The following TSHZ3 variants were observed in gnomAD, a reference collection of about 807,000 sequenced individuals.
TSHZ3 encodes the protein teashirt zinc finger homeobox 3, also known as teashirt homolog 3.
Under a neutral mutation model 64.5 loss-of-function variants are expected in TSHZ3, and 10 were observed. The observed-to-expected ratio is 0.16, with a 90% CI of 0.10 to 0.26. TSHZ3 has a LOEUF of 0.26. TSHZ3 is among the 10% of genes least tolerant of loss of function. TSHZ3 has a pLI of 1.00. For synonymous variants in TSHZ3, 608 were observed against 593.1 expected (o/e 1.03, Z -0.36); for missense variants, 1,242 against 1,421.7 (o/e 0.87, Z 2.03).
intron 1 of TSHZ3, among the ~76,000 whole-genome samples, chr19:31,255,698 G>A (rs796280516): frequency 1.3e-5 from 2 of 152,224 alleles, no homozygotes; most frequent in Non-Finnish European, 2.9e-5. Flanking sequence ...CCCTAAGACA[G>A]GCAGAGCAGC....
chr19:31,170,662 G>C (rs1425654994), intron 5 of TSHZ3, among the ~76,000 whole-genome samples: 1 of 152,168 alleles, frequency 6.6e-6, no homozygotes, highest in Non-Finnish European at 1.5e-5. Flanking sequence ...TTTATGAATA[G>C]GAAATTAAAA....
chr19:31,239,159 A>G (rs1975658489), intron 3 of TSHZ3, among the ~76,000 whole-genome samples: 1 of 152,098 alleles, frequency 6.6e-6, no homozygotes, highest in Non-Finnish European at 1.5e-5. Flanking sequence ...TTTACAATAA[A>G]TATTTTTCCC....
chr19:31,244,728 C>T lies in TSHZ3; in HGVS notation n.64-1853G>A, dbSNP rs183583542. 2.4e-4 allele frequency among the ~76,000 whole-genome samples: 37 copies of T among 152,230 alleles called. No homozygotes were observed. The South Asian group carries it at 6.6e-3, about 27-fold the overall frequency. On this transcript the variant is annotated intron_variant and non_coding_transcript_variant, in intron 1 of 6. Coordinates refer to the TSHZ3 transcript ENST00000651361. Reference sequence around the variant, plus strand: ...GCATGATCTCAGCTCATTGCTGCCTCGACATCCCGGGTTCAAGTGATGCTC... The same window carrying T: ...GCATGATCTCAGCTCATTGCTGCCTTGACATCCCGGGTTCAAGTGATGCTC...
intron 4 of TSHZ3, among the ~76,000 whole-genome samples, chr19:31,224,291 C>T (rs994224913): frequency 9.2e-5 from 14 of 152,126 alleles, no homozygotes; most frequent in Admixed American, 2.0e-4. Flanking sequence ...GAGTAGAGAG[C>T]GGGAGTTATA....
intron 3 of TSHZ3, among the ~76,000 whole-genome samples, chr19:31,233,963 T>A (rs1326484395): frequency 1.3e-5 from 2 of 151,094 alleles, no homozygotes; most frequent in Non-Finnish European, 2.9e-5. Flanking sequence ...CCTGCTGAGA[T>A]TTTGTTTGGA....
At chr19:31,302,560 T>C (rs1170448996) in intron 1 of TSHZ3, among the ~76,000 whole-genome samples, 2 of 149,296 alleles carry the variant, frequency 1.3e-5, no homozygotes, top group African/African-American at 4.8e-5. Flanking sequence ...TTCTAAAATC[T>C]GTCTCTTGCC....
At chr19:31,246,693 G>A (rs1360229770) in intron 1 of TSHZ3, among the ~76,000 whole-genome samples, 1 of 152,140 alleles carries the variant, frequency 6.6e-6, no homozygotes, top group African/African-American at 2.4e-5. Flanking sequence ...TACGCACAGA[G>A]GACCTGGAAG....
intron 1 of TSHZ3, chr19:31,308,599 T>C: frequency 5.0e-6 from 2 of 398,534 alleles, no homozygotes; most frequent in African/African-American, 2.1e-5. Context: ...GTTTGCTTCC[T>C]TCCCAGGTGT....
intron 1 of TSHZ3, among the ~76,000 whole-genome samples, chr19:31,316,908 T>C (rs1916618203): frequency 6.6e-6 from 1 of 152,166 alleles, no homozygotes; most frequent in Non-Finnish European, 1.5e-5. Flanking sequence ...GAGTCACATA[T>C]GCTCCGGCCA....
intron 1 of TSHZ3, among the ~76,000 whole-genome samples, chr19:31,243,163 A>G (rs532023863): frequency 5.3e-5 from 8 of 152,336 alleles, no homozygotes; most frequent in Non-Finnish European, 7.3e-5. Context: ...AGATGCACAT[A>G]TATCTGTAGC....
intron 3 of TSHZ3, among the ~76,000 whole-genome samples, chr19:31,232,553 G>T (rs1402381986): frequency 6.6e-6 from 1 of 152,172 alleles, no homozygotes; most frequent in African/African-American, 2.4e-5. Context: ...TCAACATTGT[G>T]CAGGTTTAGT....
At chr19:31,318,473 T>C (rs1157432410) in intron 1 of TSHZ3, among the ~76,000 whole-genome samples, 1 of 152,256 alleles carries the variant, frequency 6.6e-6, no homozygotes, top group African/African-American at 2.4e-5. Flanking sequence ...TAGGAACTTT[T>C]TTGTATAATT....
intron 4 of TSHZ3, among the ~76,000 whole-genome samples, chr19:31,227,997 C>A (rs1029137781): frequency 3.3e-5 from 5 of 152,184 alleles, no homozygotes; most frequent in African/African-American, 1.2e-4. Context: ...ATAAAACCAT[C>A]ATCTTACCTG....
At chr19:31,152,709 C>A (rs556339920) in intron 6 of TSHZ3, among the ~76,000 whole-genome samples, 1 of 152,240 alleles carries the variant, frequency 6.6e-6, no homozygotes, top group South Asian at 2.1e-4. Flanking sequence ...CAGAATTTAA[C>A]CATGTCCAGT....
At chr19:31,171,930 A>C (rs192316142) in intron 5 of TSHZ3, among the ~76,000 whole-genome samples, 124 of 152,308 alleles carry the variant, frequency 8.1e-4, no homozygotes, top group Middle Eastern at 6.8e-3. Flanking sequence ...TAGAGATCTG[A>C]GTAACCATGC....
chr19:31,286,727 G>T (rs1408218375), intron 1 of TSHZ3, among the ~76,000 whole-genome samples: 1 of 152,130 alleles, frequency 6.6e-6, no homozygotes, highest in Non-Finnish European at 1.5e-5. Context: ...ATGAGGAGTG[G>T]GCAGCCACGC....
exon 4 of TSHZ3, among the ~76,000 whole-genome samples, chr19:31,228,085 ATCT>A (rs1398859792): frequency 6.6e-6 from 1 of 152,166 alleles, no homozygotes; most frequent in African/African-American, 2.4e-5. Flanking sequence ...ATCTAGAGTC[ATCT>A]TCTTAAACTT....
chr19:31,243,380 C>T (rs1167802745), intron 1 of TSHZ3, among the ~76,000 whole-genome samples: 1 of 152,198 alleles, frequency 6.6e-6, no homozygotes, highest in African/African-American at 2.4e-5. Context: ...CACTTACAGA[C>T]TTCACTTAAA....
chr19:31,300,607 G>A (rs192578175), intron 1 of TSHZ3, among the ~76,000 whole-genome samples: 3 of 152,262 alleles, frequency 2.0e-5, no homozygotes, highest in Non-Finnish European at 4.4e-5. Context: ...TGCACTCGCC[G>A]CACCACCTCC....
Sources: gnomAD v4.1 joint callset for allele counts (sites outside exome capture counted in the v4.1 genomes callset) on GRCh38, gnomAD v4.1.1 for gene constraint, MANE v1.5 for transcripts, NCBI Gene and HGNC (gene_info 2026-07-23, HGNC 2026-07-21) for gene names.